The following IQSEC3 variants were observed in gnomAD, a reference collection of about 807,000 sequenced individuals.
IQSEC3 encodes IQ motif and Sec7 domain ArfGEF 3, also known as IQ motif and SEC7 domain-containing protein 3.
A neutral mutation model predicts 105.4 loss-of-function variants in IQSEC3; 50 were observed. The ratio of observed to expected loss-of-function variants is 0.47; its 90% confidence interval spans 0.38 to 0.60. The LOEUF (loss-of-function observed/expected upper bound fraction) is 0.60, where lower values mean the gene tolerates loss of function less well. Among genes scored for constraint, IQSEC3 ranks in the 20% least tolerant of loss-of-function variants. The pLI is 0.00. For synonymous variants in IQSEC3, 708 were observed against 746.0 expected (o/e 0.95, Z 0.83); for missense variants, 1,415 against 1,630.0 (o/e 0.87, Z 2.27).
intron 2 of IQSEC3, among the ~76,000 whole-genome samples, chr12:123,926 C>A (rs1865298143): frequency 6.6e-6 from 1 of 152,144 alleles, no homozygotes; most frequent in Non-Finnish European, 1.5e-5. Context: ...GATTTTCTGT[C>A]ACTGTCCACT....
intron 2 of IQSEC3, among the ~76,000 whole-genome samples, chr12:99,845 G>A (rs191570842): frequency 7.9e-5 from 12 of 152,124 alleles, no homozygotes; most frequent in East Asian, 5.8e-4. Flanking sequence ...TCTCCGTCCC[G>A]TGATCAGCCT....
At chr12:102,479 T>C (rs1275353295) in intron 2 of IQSEC3, among the ~76,000 whole-genome samples, 1 of 152,222 alleles carries the variant, frequency 6.6e-6, no homozygotes, top group Non-Finnish European at 1.5e-5. Context: ...CCTGAGCAAG[T>C]GCCTTCACTG....
At chr12:135,118 G>A (rs1555086012) in intron 3 of IQSEC3, among the ~76,000 whole-genome samples, 4 of 152,082 alleles carry the variant, frequency 2.6e-5, no homozygotes, top group East Asian at 1.9e-4. Flanking sequence ...TGACAGAGCG[G>A]GACTCCATCT....
chr12:73,245 A>G (rs1863396164), intron 1 of IQSEC3, among the ~76,000 whole-genome samples: 1 of 151,986 alleles, frequency 6.6e-6, no homozygotes, highest in East Asian at 1.9e-4. Flanking sequence ...AAATCTTGGT[A>G]CCTCCCCAGC....
chr12:105,437 G>A (rs1864616028), intron 2 of IQSEC3, among the ~76,000 whole-genome samples: 1 of 152,240 alleles, frequency 6.6e-6, no homozygotes, highest in African/African-American at 2.4e-5. Flanking sequence ...TTGCTCCTGT[G>A]GATTGGGCTT....
chr12:107,920 G>A (rs1019452679), intron 2 of IQSEC3, among the ~76,000 whole-genome samples: 3 of 152,068 alleles, frequency 2.0e-5, no homozygotes, highest in Non-Finnish European at 4.4e-5. Context: ...TCCCATCAGG[G>A]AGCACCCACC....
chr12:70,237 C>T (rs1863261126), intron 1 of IQSEC3, among the ~76,000 whole-genome samples: 1 of 152,256 alleles, frequency 6.6e-6, no homozygotes, highest in Non-Finnish European at 1.5e-5. Context: ...CTCTTCCTAC[C>T]CAATTCCAGG....
intron 7 of IQSEC3, among the ~76,000 whole-genome samples, chr12:158,174 G>GTTT (rs78756163): frequency 7.0e-6 from 1 of 142,772 alleles, no homozygotes; most frequent in African/African-American, 2.6e-5. Flanking sequence ...GTGCGCAATT[G>GTTT]TTTTTTTTTT....
chr12:125,964 T>TG (rs1157936429), intron 3 of IQSEC3, 52 bp downstream of exon 3: 1 of 1,499,854 alleles, frequency 6.7e-7, no homozygotes, highest in East Asian at 2.5e-5. Context: ...GGCCCTGCTT[T>TG]GGGGGCTGTC....
Position 139,036 on chromosome 12 carries a change from C to G in IQSEC3, c.1673C>G (p.Ala558Gly), listed in dbSNP as rs56204927. The change falls in exon 4 of 14, where the codon GCG becomes GGG. Residue 558 changes from alanine to glycine, a missense_variant. Physicochemically the swap from Ala to Gly is moderately conservative, Grantham distance 60. This residue lies in a region of IQSEC3 where 720 missense variants were observed against 633.0 expected (regional missense o/e 1.14). Coordinates refer to ENST00000538872, the MANE Select transcript of IQSEC3 (RefSeq NM_001170738.2). ...ASAEDSCAEA[A>G]ASGAADGATA... ...GCCGAGGACTCATGCGCAGAGGCTG[C>G]GGCTAGTGGGGCGGCGGATGGGGCC... 924,665 of 1,494,426 alleles carry G rather than the reference C, an allele frequency of 0.62. 286,819 individuals are homozygous for G. Among genetic ancestry groups the G allele is most frequent in the South Asian group, 0.7 (53,697 of 76,408 alleles). The allele number at this position is 1,494,426 out of a possible 1,614,324, so 92.6% of individuals were successfully genotyped here.
intron 1 of IQSEC3, among the ~76,000 whole-genome samples, chr12:87,864 A>G (rs1481717387): frequency 6.6e-6 from 1 of 152,200 alleles, no homozygotes; most frequent in Non-Finnish European, 1.5e-5. Context: ...GTTCTGTTGT[A>G]AGGGCTTTCA....
chr12:167,603 G>A (rs1486736952), intron 11 of IQSEC3: 1 of 151,658 alleles, frequency 6.6e-6, no homozygotes, highest in African/African-American at 2.4e-5. Context: ...AAATGGGCTG[G>A]GCTCAGTGGC....
At chr12:114,156 G>A (rs1000232719) in intron 2 of IQSEC3, among the ~76,000 whole-genome samples, 1 of 152,222 alleles carries the variant, frequency 6.6e-6, no homozygotes, top group Non-Finnish European at 1.5e-5. Context: ...ATACGTGCTA[G>A]CTATGTTAAA....
intron 1 of IQSEC3, 52 bp from the exon 2 acceptor site, chr12:99,094 C>CG: frequency 6.6e-7 from 1 of 1,506,132 alleles, no homozygotes; most frequent in African/African-American, 1.4e-5. Context: ...TCAGGCAGGG[C>CG]GGGGACCCAG....
In IQSEC3 at chr12:103,876, A is replaced by G. The variant is rs1591656508; in HGVS notation, c.623+4662A>G. Reference sequence around the variant, plus strand: ...ATGAGGGGAGGCGGCTCGGGAGGGGAGGCGGGGGCTCGGGAGGGGAGGCGG... The same window carrying G: ...ATGAGGGGAGGCGGCTCGGGAGGGGGGGCGGGGGCTCGGGAGGGGAGGCGG... On this transcript the variant is annotated intron_variant, in intron 2 of 13. Coordinates refer to ENST00000538872, the MANE Select transcript of IQSEC3 (RefSeq NM_001170738.2). 5.5e-4 allele frequency among the ~76,000 whole-genome samples: 7 copies of G among 12,634 alleles called. 1 individual carries two copies. Among genetic ancestry groups the G allele is most frequent in the Admixed American group, 1.6e-3 (2 of 1,218 alleles). 8.3% of individuals were successfully genotyped at this position (12,634 alleles called of 152,430 possible). A position where few individuals can be genotyped will look rare whatever the true frequency, so the allele number is the denominator to read the frequency against.
intron 3 of IQSEC3, among the ~76,000 whole-genome samples, chr12:127,307 C>T (rs1045727337): frequency 3.9e-5 from 6 of 152,170 alleles, no homozygotes; most frequent in African/African-American, 1.4e-4. Context: ...GATCACGAGG[C>T]CAGGAGTTTG....
chr12:116,793 A>G (rs958011162), intron 2 of IQSEC3, among the ~76,000 whole-genome samples: 4 of 152,142 alleles, frequency 2.6e-5, no homozygotes, highest in Admixed American at 1.3e-4. Context: ...CAATTCTGGC[A>G]CTCATGTGAG....
intron 1 of IQSEC3, among the ~76,000 whole-genome samples, chr12:76,988 A>T (rs1306246829): frequency 2.6e-5 from 4 of 152,278 alleles, no homozygotes; most frequent in African/African-American, 9.6e-5. Context: ...TTGATGAATG[A>T]TTCCTATCTA....
chr12:80,701 A>G (rs1863714969), intron 1 of IQSEC3, among the ~76,000 whole-genome samples: 1 of 152,234 alleles, frequency 6.6e-6, no homozygotes, highest in African/African-American at 2.4e-5. Context: ...AAACAAGATC[A>G]CTAATGAAAA....
Sources: allele counts gnomAD v4.1 joint callset (sites outside exome capture counted in the v4.1 genomes callset), GRCh38; gene constraint gnomAD v4.1.1; regional missense constraint gnomAD v4.1.1; transcripts MANE v1.5; gene names NCBI Gene and HGNC (gene_info 2026-07-23, HGNC 2026-07-21).